ZFP90: variants seen among roughly 807,000 people sequenced by gnomAD.
The protein encoded by ZFP90 is ZFP90 zinc finger protein.
ZFP90 carries 38 observed loss-of-function variants against 60.8 expected under a neutral mutation model. The observed-to-expected ratio is 0.62, with a 90% confidence interval of 0.48 to 0.82. The LOEUF is 0.82. Among genes scored for constraint, ZFP90 ranks in the 40% least tolerant of loss-of-function variants. ZFP90 has a pLI of 0.00. For synonymous variants in ZFP90, 287 were observed against 264.8 expected (o/e 1.08, Z -0.82); for missense variants, 711 against 759.1 (o/e 0.94, Z 0.74).
In ZFP90 at chr16:68,558,045, A is replaced by G. The variant is rs2091374098; in HGVS notation, c.81A>G (p.Glu27=). ...KDVSVDFTQE[E]WYHVDPAQRS... is the part of the protein sequence containing the mutation. ...TGTCTGTGGACTTCACCCAGGAAGA[A>G]TGGTACCATGTCGACCCTGCTCAGA... Residue 27 remains glutamate, a synonymous_variant, in exon 3 of 5, where the codon GAA becomes GAG. Coordinates refer to ENST00000563169, the MANE Select transcript of ZFP90 (RefSeq NM_001305203.2). The G allele has an allele frequency of 6.2e-7, 1 of 1,613,682 alleles. No homozygotes were observed. The highest frequency in any genetic ancestry group is 1.3e-5 in the African/African-American group (1 of 74,802).
chr16:68,558,200 G>A, intron 3 of ZFP90, 76 bp downstream of exon 3: 2 of 1,586,042 alleles, frequency 1.3e-6, no homozygotes, highest in Non-Finnish European at 1.7e-6. Context: ...GTGGTGCCCA[G>A]AGCTTAGGTA....
chr16:68,568,008 C>T (rs2091547395), downstream of ZFP90, among the ~76,000 whole-genome samples: 1 of 152,094 alleles, frequency 6.6e-6, no homozygotes, highest in African/African-American at 2.4e-5. Context: ...GCAAATGGTG[C>T]TTCAGGAAAG....
At chr16:68,533,692 AG>A (rs2152048543) in intron 1 of ZFP90, 1 of 152,112 alleles carries the variant, frequency 6.6e-6, no homozygotes, top group East Asian at 1.9e-4. Context: ...TGTTGTTTTG[AG>A]ACAGAGTCTT....
intron 2 of ZFP90, among the ~76,000 whole-genome samples, chr16:68,554,584 C>T (rs1017017552): frequency 2.0e-5 from 3 of 152,144 alleles, no homozygotes; most frequent in Non-Finnish European, 2.9e-5. Context: ...TTATGAGTGG[C>T]TTGGAGCAGA....
chr16:68,535,011 A>AT (rs1258675841), upstream of ZFP90, among the ~76,000 whole-genome samples: 1 of 151,938 alleles, frequency 6.6e-6, no homozygotes, highest in African/African-American at 2.4e-5. Flanking sequence ...ATATTATACT[A>AT]TTTTTTCTGT....
In ZFP90 at chr16:68,539,824, A is replaced by C. The variant is rs1023029792; in HGVS notation, c.32A>C (p.Gln11Pro). Residue 11 changes from glutamine (Q) to proline (P), a missense_variant and splice_region_variant, in exon 2 of 5, where the codon CAG becomes CCG. Gln to Pro is a moderately conservative substitution (Grantham distance 76). Around this residue, in one of 5 missense-constraint regions of ZFP90, gnomAD observed 27 missense variants for 17.9 expected, o/e 1.50. Coordinates refer to ENST00000563169, the MANE Select transcript of ZFP90 (RefSeq NM_001305203.2). ...CCGAGGCCTCCGACCGCCGCGCCCC[A>C]GGTGAGCAACGCGTTCCTAACCTCC... MAPRPPTAAP[Q>P]ESVTFKDVSV... 2.5e-6 allele frequency: 4 copies of C among 1,606,414 alleles called. No homozygotes were observed. The highest frequency in any genetic ancestry group is 4.5e-5 in the East Asian group (2 of 44,714).
chr16:68,553,395 G>C (rs1292569312), intron 2 of ZFP90, among the ~76,000 whole-genome samples: 1 of 152,106 alleles, frequency 6.6e-6, no homozygotes, highest in Non-Finnish European at 1.5e-5. Context: ...CAGGCACCAG[G>C]GAGGAAGTAG....
chr16:68,568,176 A>C (rs2091548576), downstream of ZFP90, among the ~76,000 whole-genome samples: 1 of 152,174 alleles, frequency 6.6e-6, no homozygotes, highest in African/African-American at 2.4e-5. Flanking sequence ...GCAAGAGTCC[A>C]TGTCTGTTTT....
chr16:68,574,913 T>G (rs2091585808), intron 2 of ZFP90, among the ~76,000 whole-genome samples: 1 of 96,456 alleles, frequency 1.0e-5, no homozygotes. Context: ...GGCCACAGAG[T>G]GAGACCCTGT....
At chr16:68,539,266 A>C (rs191910207), upstream of ZFP90, 951 of 154,284 alleles carry the variant, frequency 6.2e-3, 7 homozygotes, top group Non-Finnish European at 0.011. Flanking sequence ...GGGTTGCAGG[A>C]GCGAGGCTCC....
At chr16:68,570,509 AG>A (rs1202654901), downstream of ZFP90, among the ~76,000 whole-genome samples, 1 of 152,242 alleles carries the variant, frequency 6.6e-6, no homozygotes, top group African/African-American at 2.4e-5. Context: ...TCTCTGGAAA[AG>A]GGGTGGTAAT....
At chr16:68,539,877 A>T (rs761574471) in intron 2 of ZFP90, 52 bp downstream of exon 2, 1 of 1,589,002 alleles carries the variant, frequency 6.3e-7, no homozygotes, top group African/African-American at 1.3e-5. Flanking sequence ...TATCCATCCC[A>T]TCTCCCAAGG....
chr16:68,562,718 G>A (rs976754233), intron 4 of ZFP90: 1 of 484,416 alleles, frequency 2.1e-6, no homozygotes, highest in Non-Finnish European at 3.7e-6. Flanking sequence ...GGCATGGAGA[G>A]CATATAGGAT....
At chr16:68,559,139 G>GCTTTTCTC (rs1567407158) in intron 4 of ZFP90, among the ~76,000 whole-genome samples, 1 of 152,014 alleles carries the variant, frequency 6.6e-6, no homozygotes, top group African/African-American at 2.4e-5. Context: ...TTGCTTTTCT[G>GCTTTTCTC]CCTAAGTGAC....
In ZFP90 at chr16:68,564,032, T is replaced by G. The variant is rs2091478161; in HGVS notation, c.1245T>G (p.Ile415Met). ...CATCCCTTTATAAACATATGAGGAT[T>G]CATAAGAGAGGCAAACCTTACCAAA... is the stretch of plus-strand genomic sequence containing the variant. ...QSPSLYKHMRIHKRGKPYQSS... is the reference protein window; with the variant it reads ...QSPSLYKHMRMHKRGKPYQSS... Residue 415 changes from isoleucine to methionine, a missense_variant, in exon 5 of 5, where the codon ATT (isoleucine) becomes ATG (methionine). Transcript: ENST00000563169. The G allele has an allele frequency of 6.2e-7, 1 of 1,613,912 alleles. No homozygotes were observed.
chr16:68,566,277 C>T lies in ZFP90; in HGVS notation c.*1579C>T, dbSNP rs115207241. 2.0e-6 allele frequency: 2 copies of T among 985,590 alleles called. No individual in the cohort carries two copies. Among genetic ancestry groups the T allele is most frequent in the African/African-American group, 3.5e-5 (2 of 57,356 alleles). The allele number at this position is 985,590 out of a possible 1,614,324, so 61.1% of individuals were successfully genotyped here. A position where few individuals can be genotyped will look rare whatever the true frequency, so the allele number is the denominator to read the frequency against. Reference sequence around the variant, plus strand: ...TGTTGGTGTGTTGACATTGACCATGCAGACCAATTTGGGCACAACTGGACA... The same window carrying T: ...TGTTGGTGTGTTGACATTGACCATGTAGACCAATTTGGGCACAACTGGACA... On this transcript the variant is annotated 3_prime_UTR_variant, in exon 5 of 5. Transcript: ENST00000563169.
intron 2 of ZFP90, among the ~76,000 whole-genome samples, chr16:68,540,519 C>T (rs1267103703): frequency 1.3e-5 from 2 of 152,046 alleles, no homozygotes; most frequent in South Asian, 2.1e-4. Context: ...TTTCTAGAAG[C>T]GTCACAACTC....
At chr16:68,557,289 C>T (rs570574530) in intron 2 of ZFP90, 3 of 455,812 alleles carry the variant, frequency 6.6e-6, no homozygotes, top group African/African-American at 2.0e-5. Context: ...GTTAGGATTA[C>T]AGGTGTGAAC....
intron 2 of ZFP90, among the ~76,000 whole-genome samples, chr16:68,572,966 TA>T (rs1285239272): frequency 2.0e-5 from 3 of 152,228 alleles, no homozygotes; most frequent in Admixed American, 6.5e-5. Flanking sequence ...AAGGAAAGGA[TA>T]GGACCACTCC....
Sources: gnomAD v4.1 joint callset for allele counts (sites outside exome capture counted in the v4.1 genomes callset) on GRCh38, gnomAD v4.1.1 for gene constraint, gnomAD v4.1.1 regional missense constraint, MANE v1.5 for transcripts, NCBI Gene and HGNC (gene_info 2026-07-23, HGNC 2026-07-21) for gene names.